The following SOX5 variants were observed in gnomAD, a reference collection of about 807,000 sequenced individuals.
SOX5 encodes the protein SRY-box transcription factor 5.
In SOX5, 9 loss-of-function variants were observed where a neutral mutation model predicts 92.0. The ratio of observed to expected loss-of-function variants is 0.10; its 90% confidence interval spans 0.06 to 0.17. The LOEUF (loss-of-function observed/expected upper bound fraction) is 0.17. Ranked by LOEUF, SOX5 falls within the 10% of genes least tolerant of loss-of-function variation. The pLI, the probability that SOX5 is intolerant of heterozygous loss-of-function variation, is 1.00. For missense variants in SOX5, 642 were observed against 944.5 expected, an observed-to-expected ratio of 0.68 and a Z score of 4.20; for synonymous variants, 344 against 336.3, an observed-to-expected ratio of 1.02 and a Z score of -0.25.
intron 1 of SOX5, among the ~76,000 whole-genome samples, chr12:24,473,013 AT>A: frequency 6.6e-6 from 1 of 152,128 alleles, no homozygotes; most frequent in South Asian, 2.1e-4. Context: ...TCTACAAATA[AT>A]TTTTCCCCTT....
chr12:24,174,015 T>G (rs1247363163), intron 4 of SOX5, among the ~76,000 whole-genome samples: 4 of 151,864 alleles, frequency 2.6e-5, no homozygotes, highest in Non-Finnish European at 4.4e-5. Flanking sequence ...GTTTTTTTTT[T>G]CTGAGACAGT....
rs188641731 is a variant in SOX5, at chr12:24,553,938, G to A, written c.-251+8391C>T. On this transcript the variant is annotated intron_variant, in intron 1 of 4. Coordinates refer to the SOX5 transcript ENST00000446891. ...GGATGTGGAAAAGACACTCCTATTCGGTTAATAGAGAAGGTACGTGGAGAT... is the reference window on the plus strand; with the variant it reads ...GGATGTGGAAAAGACACTCCTATTCAGTTAATAGAGAAGGTACGTGGAGAT... Among the ~76,000 whole-genome samples the A allele has an allele frequency of 9.9e-4, 151 of 152,270 alleles. 1 individual carries two copies. Among genetic ancestry groups the A allele is most frequent in the African/African-American group, 3.5e-3 (147 of 41,546 alleles).
At chr12:24,007,248 T>C (rs1420631585) in intron 4 of SOX5, among the ~76,000 whole-genome samples, 2 of 8,054 alleles carry the variant, frequency 2.5e-4, no homozygotes, top group African/African-American at 2.9e-4. Context: ...TATATAAATG[T>C]ATATAAATGT....
intron 4 of SOX5, among the ~76,000 whole-genome samples, chr12:24,018,071 C>G (rs908178198): frequency 7.2e-5 from 11 of 152,278 alleles, no homozygotes; most frequent in Middle Eastern, 3.4e-3. Flanking sequence ...ATGCTCAAAT[C>G]ACTTTCATCC....
chr12:24,266,034 ATGTGTGTGTGTGTGTG>A lies in SOX5; in HGVS notation c.-77+11166_-77+11181del, dbSNP rs59696898. On this transcript the variant is annotated intron_variant, in intron 3 of 4. Coordinates refer to the SOX5 transcript ENST00000446891. ...CAGGTGTATGCCATCATGCCAGCTA[ATGTGTGTGTGTGTGTG>A]TGTGTGTGTGTGTGTGTGTGTGTGT... Among the ~76,000 whole-genome samples the A allele has an allele frequency of 9.4e-3, 1,203 of 127,706 alleles. 14 individuals carry two copies. The highest frequency in any genetic ancestry group is 0.03 in the African/African-American group (1,018 of 34,452). 83.8% of individuals were successfully genotyped at this position (127,706 alleles called of 152,430 possible). A position where few individuals can be genotyped will look rare whatever the true frequency, so the allele number is the denominator to read the frequency against.
At chr12:24,438,516 T>C (rs774430967) in intron 1 of SOX5, among the ~76,000 whole-genome samples, 2 of 152,122 alleles carry the variant, frequency 1.3e-5, no homozygotes, top group Non-Finnish European at 2.9e-5. Context: ...GCCAACTAAA[T>C]TGATAACCTT....
At chr12:23,917,468 G>A (rs966153566) in intron 1 of SOX5, among the ~76,000 whole-genome samples, 2 of 152,112 alleles carry the variant, frequency 1.3e-5, no homozygotes, top group Admixed American at 6.5e-5. Context: ...CAAGAGAATC[G>A]CTTGAGCCGG....
intron 8 of SOX5, among the ~76,000 whole-genome samples, chr12:23,619,230 C>G (rs1431425157): frequency 1.3e-5 from 2 of 151,994 alleles, no homozygotes; most frequent in African/African-American, 2.4e-5. Context: ...ACAAATTATG[C>G]TAAATAAAAC....
At chr12:24,014,802 C>T (rs956782140) in intron 4 of SOX5, among the ~76,000 whole-genome samples, 2 of 152,130 alleles carry the variant, frequency 1.3e-5, no homozygotes, top group African/African-American at 4.8e-5. Context: ...CTTAAATTCA[C>T]AATCTGGGGG....
rs76133366 is a variant in SOX5 at position 24,164,578 on chromosome 12, G to A, written c.-2+48765C>T. The stretch of plus-strand genomic sequence containing the variant: ...GCTAATCACTCTGGTGTCCCTGAAT[G>A]GAAACAAGTACTTAATTTATACCAA... On this transcript the variant is annotated intron_variant, in intron 4 of 4. Transcript: ENST00000446891. Among the ~76,000 whole-genome samples the A allele has an allele frequency of 4.8e-3, 727 of 152,072 alleles. 10 individuals are homozygous for A. Among genetic ancestry groups the A allele is most frequent in the African/African-American group, 0.017 (693 of 41,510 alleles).
intron 1 of SOX5, among the ~76,000 whole-genome samples, chr12:23,923,732 G>A (rs1426200732): frequency 1.3e-5 from 2 of 152,014 alleles, no homozygotes; most frequent in African/African-American, 4.8e-5. Flanking sequence ...TTTATATCCT[G>A]TATCTGAGTC....
intron 3 of SOX5, among the ~76,000 whole-genome samples, chr12:24,272,779 T>C (rs565574316): frequency 3.3e-5 from 5 of 152,226 alleles, no homozygotes; most frequent in Non-Finnish European, 7.3e-5. Flanking sequence ...ATTGCTAATA[T>C]TCTGTTGAGG....
At chr12:23,945,425 A>G (rs994006017) in intron 1 of SOX5, among the ~76,000 whole-genome samples, 2 of 152,130 alleles carry the variant, frequency 1.3e-5, no homozygotes, top group African/African-American at 2.4e-5. Flanking sequence ...GCAGTACACA[A>G]TGTCACCTGA....
At chr12:23,904,933 G>A (rs1340997965) in intron 1 of SOX5, among the ~76,000 whole-genome samples, 1 of 152,088 alleles carries the variant, frequency 6.6e-6, no homozygotes, top group Admixed American at 6.6e-5. Flanking sequence ...AGAGATGGAG[G>A]GGAGGATTAG....
At chr12:23,700,621 C>T (rs1402636936) in intron 6 of SOX5, among the ~76,000 whole-genome samples, 2 of 151,948 alleles carry the variant, frequency 1.3e-5, no homozygotes, top group Middle Eastern at 3.4e-3. Flanking sequence ...GAATGGTGGC[C>T]ACTACAATTT....
At chr12:24,196,197 A>G (rs986960022) in intron 4 of SOX5, among the ~76,000 whole-genome samples, 1 of 152,212 alleles carries the variant, frequency 6.6e-6, no homozygotes, top group African/African-American at 2.4e-5. Flanking sequence ...TTAACTGTGA[A>G]TAAGTATTTA....
At chr12:24,443,138 G>C (rs1940917466) in intron 1 of SOX5, among the ~76,000 whole-genome samples, 1 of 152,054 alleles carries the variant, frequency 6.6e-6, no homozygotes, top group African/African-American at 2.4e-5. Context: ...TTTTAGTAGA[G>C]ATGGGGTTTC....
At chr12:24,041,948 C>T (rs1316384568) in intron 4 of SOX5, among the ~76,000 whole-genome samples, 2 of 151,994 alleles carry the variant, frequency 1.3e-5, no homozygotes, top group Non-Finnish European at 2.9e-5. Context: ...ATTATGTGCT[C>T]ATTAAATAAT....
chr12:24,180,982 G>C (rs1023522657), intron 4 of SOX5, among the ~76,000 whole-genome samples: 6 of 152,116 alleles, frequency 3.9e-5, no homozygotes, highest in African/African-American at 1.2e-4. Context: ...CTCGCCATTA[G>C]AATGATTCTG....
Sources: allele counts gnomAD v4.1 joint callset (sites outside exome capture counted in the v4.1 genomes callset), GRCh38; gene constraint gnomAD v4.1.1; transcripts MANE v1.5; gene names NCBI Gene and HGNC (gene_info 2026-07-23, HGNC 2026-07-21).